Variants in TSPAN18 observed in about 807,000 individuals in gnomAD.
TSPAN18 encodes tetraspanin 18, also known as tetraspanin-18.
TSPAN18 carries 14 observed loss-of-function variants against 27.3 expected under a neutral mutation model. The ratio of observed to expected loss-of-function variants is 0.51; its 90% CI spans 0.34 to 0.80. The LOEUF (loss-of-function observed/expected upper bound fraction) is 0.80. TSPAN18 is among the 30% of genes least tolerant of loss of function. The probability of loss-of-function intolerance (pLI) is 0.01; values close to 1 mark genes in which losing one functional copy is unlikely to be tolerated. For missense variants in TSPAN18, 268 were observed against 323.9 expected, an observed-to-expected ratio of 0.83 and a Z score of 1.32; for synonymous variants, 143 against 136.5, an observed-to-expected ratio of 1.05 and a Z score of -0.33.
intron 2 of TSPAN18, among the ~76,000 whole-genome samples, chr11:44,849,491 G>C (rs894018754): frequency 6.6e-6 from 1 of 152,166 alleles, no homozygotes; most frequent in African/African-American, 2.4e-5. Flanking sequence ...AAGGGGGCTG[G>C]ACTGTTATAG....
intron 2 of TSPAN18, among the ~76,000 whole-genome samples, chr11:44,775,543 C>T (rs1034811258): frequency 1.3e-5 from 2 of 152,158 alleles, no homozygotes; most frequent in African/African-American, 4.8e-5. Flanking sequence ...CATTGCCAGC[C>T]TCCTTCTGGG....
intron 2 of TSPAN18, among the ~76,000 whole-genome samples, chr11:44,824,887 C>G (rs907459549): frequency 6.6e-6 from 1 of 152,232 alleles, no homozygotes; most frequent in East Asian, 1.9e-4. Context: ...TGACTGGCAC[C>G]AGCCAAAGGC....
At chr11:44,783,552 C>T (rs1037256778) in intron 2 of TSPAN18, among the ~76,000 whole-genome samples, 2 of 152,066 alleles carry the variant, frequency 1.3e-5, no homozygotes, top group Non-Finnish European at 2.9e-5. Flanking sequence ...ACACGTACCA[C>T]CACGCCCGGC....
intron 2 of TSPAN18, among the ~76,000 whole-genome samples, chr11:44,859,413 G>A (rs1447248154): frequency 2.6e-5 from 4 of 152,042 alleles, no homozygotes; most frequent in African/African-American, 7.2e-5. Flanking sequence ...TTTAATTCCC[G>A]GCAATCCTCA....
chr11:44,912,246 T>C (rs1859747901), intron 5 of TSPAN18, among the ~76,000 whole-genome samples: 1 of 152,130 alleles, frequency 6.6e-6, no homozygotes, highest in African/African-American at 2.4e-5. Flanking sequence ...GGTCTTGAAC[T>C]CCTGGGCTCA....
chr11:44,911,839 G>C (rs960039987), intron 5 of TSPAN18, among the ~76,000 whole-genome samples: 1 of 152,122 alleles, frequency 6.6e-6, no homozygotes, highest in Non-Finnish European at 1.5e-5. Flanking sequence ...CCAGGGGTAG[G>C]AGATGTGTCC....
At chr11:44,745,981 C>T (rs924919045) in intron 1 of TSPAN18, among the ~76,000 whole-genome samples, 5 of 152,190 alleles carry the variant, frequency 3.3e-5, no homozygotes, top group African/African-American at 9.7e-5. Flanking sequence ...GAGCCCAGAT[C>T]GTGCCACTGC....
intron 8 of TSPAN18, 82 bp from the exon 9 acceptor site, chr11:44,926,592 T>C (rs1860364126): frequency 3.1e-6 from 4 of 1,289,700 alleles, no homozygotes; most frequent in Non-Finnish European, 4.5e-6. Flanking sequence ...ACACCTGCCA[T>C]GAACCCTAGT....
chr11:44,854,205 G>GA (rs368496539), intron 2 of TSPAN18, among the ~76,000 whole-genome samples: 3 of 129,928 alleles, frequency 2.3e-5, no homozygotes, highest in Non-Finnish European at 4.8e-5. Flanking sequence ...GGGGGTGGGG[G>GA]GGGGGGTTTG....
chr11:44,859,258 A>G (rs1259427527), intron 2 of TSPAN18, among the ~76,000 whole-genome samples: 1 of 152,192 alleles, frequency 6.6e-6, no homozygotes, highest in African/African-American at 2.4e-5. Flanking sequence ...AAGTCTTGCC[A>G]GAACACAAGG....
At chr11:44,909,572 T>G in intron 4 of TSPAN18, 133 bp from the exon 5 acceptor site, 1 of 867,434 alleles carries the variant, frequency 1.2e-6, no homozygotes. Flanking sequence ...TCGCCGCAGG[T>G]GAATTCCTGC....
intron 3 of TSPAN18, chr11:44,903,959 G>A (rs1172530249): frequency 4.5e-6 from 2 of 441,192 alleles, no homozygotes; most frequent in Admixed American, 4.8e-5. Context: ...TAAAGTATCA[G>A]GACGGAGCTG....
intron 1 of TSPAN18, among the ~76,000 whole-genome samples, chr11:44,752,922 A>G (rs1855245435): frequency 6.6e-6 from 1 of 152,236 alleles, no homozygotes; most frequent in Non-Finnish European, 1.5e-5. Context: ...ACAAAGTTAC[A>G]TTCCTCTAGA....
chr11:44,803,872 A>C (rs11038154), intron 2 of TSPAN18, among the ~76,000 whole-genome samples: 30,972 of 152,062 alleles, frequency 0.2, 3,469 homozygotes, highest in South Asian at 0.4. Flanking sequence ...TTAGGGCAAA[A>C]ATGTTATGAT....
intron 2 of TSPAN18, among the ~76,000 whole-genome samples, chr11:44,765,532 C>T (rs901243434): frequency 5.3e-5 from 8 of 152,166 alleles, no homozygotes; most frequent in African/African-American, 1.9e-4. Flanking sequence ...ACTCACTGCA[C>T]CATCCCATTC....
intron 2 of TSPAN18, among the ~76,000 whole-genome samples, chr11:44,783,285 G>A (rs558188773): frequency 6.6e-5 from 10 of 152,188 alleles, no homozygotes; most frequent in African/African-American, 2.4e-4. Context: ...TGACTTCACT[G>A]AAATTAAAAA....
intron 3 of TSPAN18, among the ~76,000 whole-genome samples, chr11:44,883,059 C>T (rs903126227): frequency 1.3e-5 from 2 of 152,164 alleles, no homozygotes; most frequent in African/African-American, 4.8e-5. Flanking sequence ...CTGCCAAGCT[C>T]AGGCACTGGG....
chr11:44,818,794 C>T (rs570283280), intron 2 of TSPAN18, among the ~76,000 whole-genome samples: 1 of 152,280 alleles, frequency 6.6e-6, no homozygotes, highest in African/African-American at 2.4e-5. Flanking sequence ...TATAACATGT[C>T]CTAGATGAGC....
chr11:44,866,967 C>G (rs953613999), intron 3 of TSPAN18, among the ~76,000 whole-genome samples: 6 of 152,202 alleles, frequency 3.9e-5, no homozygotes, highest in African/African-American at 1.4e-4. Flanking sequence ...TCATTGGCTG[C>G]AACAAATGCA....
Sources: gnomAD v4.1 joint callset for allele counts (sites outside exome capture counted in the v4.1 genomes callset) on GRCh38, gnomAD v4.1.1 for gene constraint, MANE v1.5 for transcripts, NCBI Gene and HGNC (gene_info 2026-07-23, HGNC 2026-07-21) for gene names.